Variants in EDIL3 observed in about 807,000 individuals in gnomAD.
EDIL3 encodes the protein EGF-like repeat and discoidin I-like domain-containing protein 3.
Under a neutral mutation model 67.4 loss-of-function variants are expected in EDIL3, and 37 were observed. The ratio of observed to expected loss-of-function variants is 0.55; its 90% CI spans 0.42 to 0.72. EDIL3 has a LOEUF of 0.72. Among genes scored for constraint, EDIL3 ranks in the 30% least tolerant of loss-of-function variants. The pLI, the probability that EDIL3 is intolerant of heterozygous loss-of-function variation, is 0.00. For missense variants in EDIL3, 527 were observed against 586.3 expected, an observed-to-expected ratio of 0.90 and a Z score of 1.04; for synonymous variants, 195 against 196.3, an observed-to-expected ratio of 0.99 and a Z score of 0.05.
rs562329919 is a variant in EDIL3, at chr5:84,056,459, T to A, written c.1137+3841A>T. Among the ~76,000 whole-genome samples the A allele has an allele frequency of 3.3e-5, 5 of 152,062 alleles. No individual in the cohort carries two copies. The South Asian group carries it at 1.0e-3, about 32-fold the overall frequency. The stretch of plus-strand genomic sequence containing the variant: ...ACATTGTGCACATGTATCCTAGAAC[T>A]TATAAAGTATAATAAAAAAATATAA... On this transcript the variant is annotated intron_variant, in intron 9 of 10. Coordinates refer to ENST00000296591, the MANE Select transcript of EDIL3 (RefSeq NM_005711.5).
At chr5:84,280,391 G>T (rs1194265933) in intron 1 of EDIL3, among the ~76,000 whole-genome samples, 1 of 152,098 alleles carries the variant, frequency 6.6e-6, no homozygotes, top group Non-Finnish European at 1.5e-5. Context: ...TGTCTACAGT[G>T]TTTTCTGTAC....
At chr5:84,125,162 T>C (rs1747846412) in intron 5 of EDIL3, among the ~76,000 whole-genome samples, 1 of 152,128 alleles carries the variant, frequency 6.6e-6, no homozygotes, top group East Asian at 1.9e-4. Flanking sequence ...CATCGTAATG[T>C]GGTTAACATA....
At chr5:84,029,794 A>G (rs1464075479) in intron 9 of EDIL3, among the ~76,000 whole-genome samples, 2 of 152,190 alleles carry the variant, frequency 1.3e-5, no homozygotes, top group African/African-American at 4.8e-5. Flanking sequence ...AAATGATTAG[A>G]ACATTTATGG....
At chr5:84,163,956 C>T (rs192528940) in intron 4 of EDIL3, among the ~76,000 whole-genome samples, 8 of 152,118 alleles carry the variant, frequency 5.3e-5, no homozygotes, top group Admixed American at 4.6e-4. Context: ...TATACTAATA[C>T]ATAGCTCTTT....
At position 83,996,660 on chromosome 5, in the gene EDIL3, G is replaced by A. The variant is rs189054001; in HGVS notation, c.1138-33300C>T. Among the ~76,000 whole-genome samples the A allele has an allele frequency of 2.2e-3, 337 of 152,244 alleles. 2 individuals are homozygous for A. Among genetic ancestry groups the A allele is most frequent in the Non-Finnish European group, 1.7e-3 (118 of 68,022 alleles). On this transcript the variant is annotated intron_variant, in intron 9 of 10. Transcript: ENST00000296591. ...TCAGAGGTAACATCCCAATAAACAG[G>A]AAGTAACAATGCAAGGTAATGAGTG... is the stretch of plus-strand genomic sequence containing the variant.
At chr5:83,946,309 A>T (rs1744307816) in intron 10 of EDIL3, among the ~76,000 whole-genome samples, 1 of 151,944 alleles carries the variant, frequency 6.6e-6, no homozygotes, top group Non-Finnish European at 1.5e-5. Context: ...TAATTGGCTG[A>T]TCACAAATTT....
At chr5:84,234,297 T>C (rs546071183) in intron 2 of EDIL3, among the ~76,000 whole-genome samples, 1 of 152,266 alleles carries the variant, frequency 6.6e-6, no homozygotes, top group African/African-American at 2.4e-5. Flanking sequence ...ATTCCACCAG[T>C]GTACATGTTC....
At chr5:84,203,513 C>G (rs140933166) in intron 3 of EDIL3, among the ~76,000 whole-genome samples, 27 of 152,110 alleles carry the variant, frequency 1.8e-4, no homozygotes, top group African/African-American at 6.0e-4. Context: ...CAGCAACACA[C>G]GTTCCTGATG....
At chr5:84,327,993 T>G (rs537728580) in intron 1 of EDIL3, among the ~76,000 whole-genome samples, 146 of 152,122 alleles carry the variant, frequency 9.6e-4, no homozygotes, top group Middle Eastern at 3.4e-3. Context: ...GTTAAGTGAA[T>G]AAATAAGTGC....
intron 10 of EDIL3, among the ~76,000 whole-genome samples, chr5:83,950,110 C>T (rs1744392161): frequency 6.6e-6 from 1 of 151,712 alleles, no homozygotes; most frequent in South Asian, 2.1e-4. Flanking sequence ...ACTTACTACT[C>T]TCCAGAAGTC....
At chr5:84,227,306 C>G (rs1337269614) in intron 3 of EDIL3, among the ~76,000 whole-genome samples, 1 of 151,858 alleles carries the variant, frequency 6.6e-6, no homozygotes, top group Non-Finnish European at 1.5e-5. Context: ...AGAAGATATA[C>G]AAGAAGCCAA....
At chr5:83,998,916 T>C (rs1745279711) in intron 9 of EDIL3, among the ~76,000 whole-genome samples, 1 of 152,132 alleles carries the variant, frequency 6.6e-6, no homozygotes, top group Admixed American at 6.5e-5. Context: ...TTTTCCCCAG[T>C]TCTGGGCAGC....
chr5:84,042,314 A>AT (rs1460462024), intron 9 of EDIL3, among the ~76,000 whole-genome samples: 3 of 149,954 alleles, frequency 2.0e-5, no homozygotes, highest in African/African-American at 7.4e-5. Flanking sequence ...ACGGAGTCTT[A>AT]TTTGTCGCCC....
intron 4 of EDIL3, 64 bp downstream of exon 4, chr5:84,180,329 T>G: frequency 6.8e-7 from 1 of 1,475,074 alleles, no homozygotes; most frequent in Non-Finnish European, 9.0e-7. Flanking sequence ...CAAACAAGAA[T>G]GATGATGGCT....
chr5:84,249,388 T>TATC (rs1744976124), intron 2 of EDIL3, among the ~76,000 whole-genome samples: 2 of 141,800 alleles, frequency 1.4e-5, no homozygotes, highest in Non-Finnish European at 3.1e-5. Context: ...TCTATCTATC[T>TATC]ATCTATCTAT....
At chr5:84,264,227 C>A (rs1200003980) in intron 1 of EDIL3, among the ~76,000 whole-genome samples, 1 of 152,152 alleles carries the variant, frequency 6.6e-6, no homozygotes, top group African/African-American at 2.4e-5. Context: ...GCCTGGGCGG[C>A]AGAGCCAGAC....
intron 3 of EDIL3, among the ~76,000 whole-genome samples, chr5:84,195,682 T>C (rs951365971): frequency 3.3e-5 from 5 of 152,008 alleles, no homozygotes; most frequent in Admixed American, 1.3e-4. Flanking sequence ...CAGCAAAGAA[T>C]GACCGTGCTT....
chr5:84,285,490 G>C (rs575632247), intron 1 of EDIL3, among the ~76,000 whole-genome samples: 2 of 152,266 alleles, frequency 1.3e-5, no homozygotes, highest in South Asian at 4.1e-4. Flanking sequence ...TGCGTAGCAC[G>C]GTGTCTGGCA....
intron 1 of EDIL3, among the ~76,000 whole-genome samples, chr5:84,259,813 C>T (rs915293395): frequency 1.3e-5 from 2 of 152,078 alleles, no homozygotes; most frequent in African/African-American, 4.8e-5. Context: ...ACCTCAACAG[C>T]AAAGTGTGTG....
Sources: allele counts gnomAD v4.1 joint callset (sites outside exome capture counted in the v4.1 genomes callset), GRCh38; gene constraint gnomAD v4.1.1; transcripts MANE v1.5; gene names NCBI Gene and HGNC (gene_info 2026-07-23, HGNC 2026-07-21).